The following UGT1A8 variants were observed in gnomAD, a reference collection of about 807,000 sequenced individuals.
The protein encoded by UGT1A8 is UDP glucuronosyltransferase family 1 member A8.
Under a neutral mutation model 45.3 loss-of-function variants are expected in UGT1A8, and 39 were observed. The observed-to-expected ratio is 0.86, with a 90% CI of 0.67 to 1.12. The LOEUF (loss-of-function observed/expected upper bound fraction) is 1.12. Ranked by LOEUF, UGT1A8 falls within the 50% of genes most tolerant of loss-of-function variation. The pLI is 0.00. For synonymous variants in UGT1A8, 275 were observed against 249.2 expected (o/e 1.10, Z -0.97); for missense variants, 719 against 664.9 (o/e 1.08, Z -0.90).
At chr2:233,738,057 T>A (rs1690675558) in intron 1 of UGT1A8, among the ~76,000 whole-genome samples, 2 of 152,114 alleles carry the variant, frequency 1.3e-5, no homozygotes, top group Admixed American at 1.3e-4. Flanking sequence ...CAGGACATGG[T>A]GGGAGGTCCC....
intron 1 of UGT1A8, chr2:233,692,049 C>A (rs17868327): frequency 0.036 from 5,524 of 152,116 alleles, 132 homozygotes; most frequent in Admixed American, 0.06. Flanking sequence ...AAAACCCTTG[C>A]GATTAGAGGG....
At chr2:233,632,879 G>T (rs2073217260) in intron 1 of UGT1A8, among the ~76,000 whole-genome samples, 1 of 152,194 alleles carries the variant, frequency 6.6e-6, no homozygotes. Flanking sequence ...TTGAATAGGA[G>T]TGGTGAGAGA....
intron 1 of UGT1A8, among the ~76,000 whole-genome samples, chr2:233,639,776 T>C (rs2073400308): frequency 6.6e-6 from 1 of 152,206 alleles, no homozygotes. Flanking sequence ...AATTTCAACA[T>C]GGGATTTGGA....
At chr2:233,690,508 GT>G in intron 1 of UGT1A8, 4 of 1,289,314 alleles carry the variant, frequency 3.1e-6, no homozygotes, top group Non-Finnish European at 4.0e-6. Context: ...ACAGAGATTT[GT>G]TTTATCTTAG....
At chr2:233,747,937 A>C in intron 1 of UGT1A8, 1 of 1,613,182 alleles carries the variant, frequency 6.2e-7, no homozygotes, top group Non-Finnish European at 8.5e-7. Flanking sequence ...TTTCAGAGGG[A>C]GGTGTCAGTG....
chr2:233,667,219 A>C (rs900491851), intron 1 of UGT1A8, among the ~76,000 whole-genome samples: 11 of 152,180 alleles, frequency 7.2e-5, no homozygotes, highest in South Asian at 2.1e-4. Flanking sequence ...CCTGAGGAAT[A>C]GCCACACTGA....
intron 1 of UGT1A8, among the ~76,000 whole-genome samples, chr2:233,698,608 C>T (rs2075450737): frequency 6.6e-6 from 1 of 152,158 alleles, no homozygotes; most frequent in African/African-American, 2.4e-5. Context: ...GATTAATAAA[C>T]AGTGGAATTC....
chr2:233,749,635 C>T lies in UGT1A8; in HGVS notation c.856-17399C>T, dbSNP rs755546951. ...CATGATTTGGCTCTGTATCCCCCAC[C>T]AAATCTCATCTTGAATTGTAATCCC... is the stretch of plus-strand genomic sequence containing the variant. On this transcript the variant is annotated intron_variant, in intron 1 of 4. Coordinates refer to ENST00000373450, the MANE Select transcript of UGT1A8 (RefSeq NM_019076.5). 1.1e-4 allele frequency among the ~76,000 whole-genome samples: 17 copies of T among 151,816 alleles called. 3 individuals are homozygous for T. Among genetic ancestry groups the T allele is most frequent in the Admixed American group, 3.3e-4 (5 of 15,276 alleles).
At chr2:233,685,389 G>C (rs2074737008) in intron 1 of UGT1A8, among the ~76,000 whole-genome samples, 1 of 152,120 alleles carries the variant, frequency 6.6e-6, no homozygotes, top group South Asian at 2.1e-4. Flanking sequence ...TTGACTTGTT[G>C]GTGAATTACA....
At position 233,617,667 on chromosome 2, in the gene UGT1A8, A is replaced by C; in HGVS notation, c.-41A>C. 1 of 1,587,482 alleles carries C rather than the reference A, an allele frequency of 6.3e-7. No homozygotes were observed. Among genetic ancestry groups the C allele is most frequent in the Non-Finnish European group, 8.6e-7 (1 of 1,165,720 alleles). On this transcript the variant is annotated 5_prime_UTR_variant, in exon 1 of 5. Transcript: ENST00000373450. ...GTTCTTCCGCCTACTGTATCATAGC[A>C]GCTTAGAATCCCAGCTGCTGGCTCG... is the stretch of plus-strand genomic sequence containing the variant.
chr2:233,729,557 CT>C, intron 1 of UGT1A8: 1 of 1,614,146 alleles, frequency 6.2e-7, no homozygotes, highest in Non-Finnish European at 8.5e-7. Context: ...CTGAATGCTA[CT>C]TCCTTTGATG....
chr2:233,644,602 T>G (rs1165486776), intron 1 of UGT1A8, among the ~76,000 whole-genome samples: 1 of 150,330 alleles, frequency 6.7e-6, no homozygotes, highest in Non-Finnish European at 1.5e-5. Context: ...ATAAACGCTC[T>G]CTCAGTGGGT....
intron 1 of UGT1A8, chr2:233,672,648 T>G (rs1413918470): frequency 6.2e-7 from 1 of 1,613,928 alleles, no homozygotes; most frequent in East Asian, 2.2e-5. Flanking sequence ...TCCAAACACC[T>G]GTTACGGAGT....
At chr2:233,691,686 GC>G in intron 1 of UGT1A8, 1 of 955,316 alleles carries the variant, frequency 1.0e-6, no homozygotes, top group Non-Finnish European at 1.2e-6. Context: ...GAAACCTGAA[GC>G]TCAGGAGAGG....
intron 1 of UGT1A8, among the ~76,000 whole-genome samples, chr2:233,698,607 A>G (rs974774486): frequency 6.6e-6 from 1 of 152,244 alleles, no homozygotes; most frequent in Admixed American, 6.5e-5. Context: ...GGATTAATAA[A>G]CAGTGGAATT....
Position 233,636,584 on chromosome 2 carries a change from G to C in UGT1A8, c.855+18022G>C, listed in dbSNP as rs148751804. ...TGTGTGTGTCTACTGCTGACCTGTG[G>C]CTTTGCCGAGGCAGGGAAGCTGCTG... On this transcript the variant is annotated intron_variant, in intron 1 of 4. Transcript: ENST00000373450. 1,379 of 1,614,138 alleles carry C rather than the reference G, an allele frequency of 8.5e-4. 3 individuals carry two copies. The highest frequency in any genetic ancestry group is 1.1e-3 in the Non-Finnish European group (1,265 of 1,180,032).
rs774438667 is a variant in UGT1A8 at position 233,767,136 on chromosome 2, G to T, written c.958G>T (p.Ala320Ser). 3.1e-6 allele frequency: 5 copies of T among 1,614,110 alleles called. No individual in the cohort carries two copies. Among genetic ancestry groups the T allele is most frequent in the Admixed American group, 1.7e-5 (1 of 60,022 alleles). The stretch of plus-strand genomic sequence containing the variant: ...TCCAGAGAAGAAAGCTATGGCAATT[G>T]CTGATGCTTTGGGCAAAATCCCTCA... The part of the protein sequence containing the change: ...EIPEKKAMAI[A>S]DALGKIPQTV... Residue 320 changes from alanine to serine, a missense_variant, in exon 2 of 5, where the codon GCT (alanine) becomes TCT (serine). By Grantham distance (99) the Ala-to-Ser change is moderately conservative. Coordinates refer to ENST00000373450, the MANE Select transcript of UGT1A8 (RefSeq NM_019076.5).
At chr2:233,744,382 C>T (rs1464518756) in intron 1 of UGT1A8, among the ~76,000 whole-genome samples, 13 of 151,968 alleles carry the variant, frequency 8.6e-5, no homozygotes, top group Non-Finnish European at 1.3e-4. Flanking sequence ...AGTTCTCCAA[C>T]GTTCCAGCCC....
At chr2:233,760,915 GT>G in intron 1 of UGT1A8, 1 of 1,614,180 alleles carries the variant, frequency 6.2e-7, no homozygotes, top group Non-Finnish European at 8.5e-7. Context: ...CCTGCAGCGG[GT>G]GAAGAACATG....
Sources: allele counts gnomAD v4.1 joint callset (sites outside exome capture counted in the v4.1 genomes callset), GRCh38; gene constraint gnomAD v4.1.1; transcripts MANE v1.5; gene names NCBI Gene and HGNC (gene_info 2026-07-23, HGNC 2026-07-21).